KIF12: variants seen among roughly 807,000 people sequenced by gnomAD.
KIF12 encodes kinesin-like protein KIF12.
KIF12 carries 80 observed loss-of-function variants against 87.9 expected under a neutral mutation model. The observed-to-expected ratio is 0.91, with a 90% CI of 0.76 to 1.10. The LOEUF is 1.10. Among genes scored for constraint, KIF12 ranks in the 50% least tolerant of loss-of-function variants. The pLI is 0.00. For missense variants in KIF12, 819 were observed against 865.3 expected, an observed-to-expected ratio of 0.95 and a Z score of 0.67; for synonymous variants, 353 against 348.5, an observed-to-expected ratio of 1.01 and a Z score of -0.14.
chr9:114,095,056 A>G lies in KIF12; in HGVS notation c.1086T>C (p.Ala362=). ...TLSTLRYASR[A]QRVTTRPQAP... is the part of the protein sequence containing the mutation. Reference sequence around the variant, plus strand: ...CCTGTGGTCGGGTGGTGACCCGCTGAGCTCGGCTTGCATATCGCAGGGTGC... The same window carrying G: ...CCTGTGGTCGGGTGGTGACCCGCTGGGCTCGGCTTGCATATCGCAGGGTGC... The change falls in exon 11 of 19, where the codon GCT becomes GCC. Residue 362 remains alanine (A), a synonymous_variant. Transcript: ENST00000640217. 1 of 1,608,400 alleles carries G rather than the reference A, an allele frequency of 6.2e-7. No individual in the cohort carries two copies. Among genetic ancestry groups the G allele is most frequent in the East Asian group, 2.2e-5 (1 of 44,784 alleles).
Position 114,096,246 on chromosome 9 carries a change from G to A in KIF12, c.739-39C>T, listed in dbSNP as rs369824310. On this transcript the variant is annotated intron_variant, in intron 8 of 18. Transcript: ENST00000640217. Reference sequence around the variant, plus strand: ...GCTTCATGGGGACTTGGGAGGGACCGTCCCCATCAAAGCCACAAGGTTATG... The same window carrying A: ...GCTTCATGGGGACTTGGGAGGGACCATCCCCATCAAAGCCACAAGGTTATG... 278 of 1,611,296 alleles carry A rather than the reference G, an allele frequency of 1.7e-4. 1 individual carries two copies. The highest frequency in any genetic ancestry group is 8.1e-4 in the African/African-American group (61 of 74,954).
intron 11 of KIF12, among the ~76,000 whole-genome samples, 175 bp downstream of exon 11, chr9:114,094,848 C>G (rs981969238): frequency 1.3e-5 from 2 of 152,196 alleles, no homozygotes; most frequent in Non-Finnish European, 2.9e-5. Context: ...TGGCATGACC[C>G]TGGCTGGGAC....
chr9:114,096,693 ACAGT>A (rs1182282629), intron 7 of KIF12, among the ~76,000 whole-genome samples: 2 of 152,146 alleles, frequency 1.3e-5, no homozygotes, highest in African/African-American at 2.4e-5. Flanking sequence ...CAGAAGAATG[ACAGT>A]CAGATTTGCA....
chr9:114,094,222 G>T lies in KIF12; in HGVS notation c.1272C>A (p.Tyr424Ter). The change falls in exon 13 of 19, where the codon TAC becomes TAA. Residue 424 changes from tyrosine to a stop codon, truncating the protein, a stop_gained. Coordinates refer to ENST00000640217, the MANE Select transcript of KIF12 (RefSeq NM_001388308.1). LOFTEE classifies it high-confidence loss of function. Reference protein sequence around the residue: ...ARVAWAQRNLYGMLQEFMLEN... With the variant: ...ARVAWAQRNL ...CTAGCATGAACTCCTGTAGCATCCC[G>T]TACAGGTTCCGCTGGGCCCAGGCCA... is the stretch of plus-strand genomic sequence containing the variant. The T allele has an allele frequency of 6.2e-7, 1 of 1,613,952 alleles. No homozygotes were observed. Among genetic ancestry groups the T allele is most frequent in the Non-Finnish European group, 8.5e-7 (1 of 1,179,982 alleles).
intron 10 of KIF12, 41 bp downstream of exon 10, chr9:114,095,173 C>T: frequency 1.2e-6 from 2 of 1,611,086 alleles, no homozygotes; most frequent in Non-Finnish European, 1.7e-6. Flanking sequence ...AGGGCCCCTT[C>T]CTCAAGACCC....
chr9:114,094,116 G>C (rs1588501524), intron 13 of KIF12, 65 bp downstream of exon 13: 2 of 1,528,480 alleles, frequency 1.3e-6, no homozygotes, highest in East Asian at 4.5e-5. Context: ...GAGGCAGTTT[G>C]CCAGAAGCAG....
intron 3 of KIF12, 95 bp from the exon 4 acceptor site, chr9:114,098,524 A>T (rs1290104020): frequency 8.3e-5 from 41 of 492,482 alleles, no homozygotes; most frequent in African/African-American, 7.4e-4. Context: ...GGCACGCGGG[A>T]GGAGGGCGGG....
chr9:114,092,501 G>A (rs775206597), intron 17 of KIF12, 41 bp downstream of exon 17: 1 of 1,613,508 alleles, frequency 6.2e-7, no homozygotes, highest in Admixed American at 1.7e-5. Flanking sequence ...GAGTTCCCCA[G>A]ACCACCCCTC....
At position 114,096,079 on chromosome 9, in the gene KIF12, G is replaced by A. The variant is rs955569797; in HGVS notation, c.867C>T (p.Asn289=). Residue 289 remains asparagine, a synonymous_variant, in exon 9 of 19, where the codon AAC becomes AAT. Coordinates refer to ENST00000640217, the MANE Select transcript of KIF12 (RefSeq NM_001388308.1). ...GSRGELMLEA[N]SINRSLLALG... Reference sequence around the variant, plus strand: ...GGGCCAGCAGGCTTCGGTTGATGCTGTTAGCCTCAAGCATCAGCTCCCCAC... The same window carrying A: ...GGGCCAGCAGGCTTCGGTTGATGCTATTAGCCTCAAGCATCAGCTCCCCAC... 11 of 1,613,402 alleles carry A rather than the reference G, an allele frequency of 6.8e-6. No homozygotes were observed. Among genetic ancestry groups the A allele is most frequent in the Admixed American group, 3.3e-5 (2 of 59,984 alleles).
rs766250681 is a variant in KIF12, at chr9:114,097,591, C to T, written c.510+16G>A. 6 of 1,613,664 alleles carry T rather than the reference C, an allele frequency of 3.7e-6. No homozygotes were observed. Among genetic ancestry groups the T allele is most frequent in the East Asian group, 4.5e-5 (2 of 44,868 alleles). ...TTTCCTCATGGGCTGTCTTTCTATT[C>T]CTCTCATTCCCTTACCTGCTCATTG... On this transcript the variant is annotated intron_variant, in intron 6 of 18. Coordinates refer to ENST00000640217, the MANE Select transcript of KIF12 (RefSeq NM_001388308.1).
chr9:114,091,720 C>A lies in KIF12; in HGVS notation c.*141G>T. 5.0e-6 allele frequency: 4 copies of A among 804,934 alleles called. No individual in the cohort carries two copies. Among genetic ancestry groups the A allele is most frequent in the Non-Finnish European group, 7.5e-6 (4 of 533,972 alleles). The allele number at this position is 804,934 out of a possible 1,614,324, so 49.9% of individuals were successfully genotyped here. A position where few individuals can be genotyped will look rare whatever the true frequency, so the allele number is the denominator to read the frequency against. The stretch of plus-strand genomic sequence containing the variant: ...TGAATCCCCTTGTTCCCCTAAATAG[C>A]ACCCCCAGTCCCCGCCCCTAGCCCA... On this transcript the variant is annotated 3_prime_UTR_variant, in exon 19 of 19. Coordinates refer to ENST00000640217, the MANE Select transcript of KIF12 (RefSeq NM_001388308.1).
In KIF12 at chr9:114,095,346, G is replaced by T. The variant is rs73658330; in HGVS notation, c.896-14C>A. Reference sequence around the variant, plus strand: ...AGATGCAGTGACCTGGGGAGGGAGAGCAAGAGTTAGGAAGGTTACATCACT... The same window carrying T: ...AGATGCAGTGACCTGGGGAGGGAGATCAAGAGTTAGGAAGGTTACATCACT... On this transcript the variant is annotated splice_polypyrimidine_tract_variant and intron_variant, in intron 9 of 18. Transcript: ENST00000640217. 1.3e-3 allele frequency: 2,099 copies of T among 1,609,964 alleles called. 24 individuals are homozygous for T. The African/African-American group carries it at 0.025, about 19-fold the overall frequency.
At chr9:114,096,269 ATGG>A in intron 8 of KIF12, 62 bp from the exon 9 acceptor site, 2 of 1,609,128 alleles carry the variant, frequency 1.2e-6, no homozygotes, top group South Asian at 2.2e-5. Context: ...CCACAAGGTT[ATGG>A]GACCAAGAGT....
In KIF12 at chr9:114,092,435, TCCA is replaced by T; in HGVS notation, c.1711_1713del (p.Trp571del). The T allele has an allele frequency of 6.2e-7, 1 of 1,613,602 alleles. No individual in the cohort carries two copies. Among genetic ancestry groups the T allele is most frequent in the South Asian group, 1.1e-5 (1 of 91,046 alleles). ...ATCTCTGCCAGGACTCGGGTCTGAG[TCCA>T]GTCACTGTGACTCCTGGGCCAGGGT... On this transcript the variant is annotated inframe_deletion, in exon 18 of 19. Transcript: ENST00000640217.
chr9:114,093,766 T>C, intron 14 of KIF12, 120 bp downstream of exon 14: 1 of 836,114 alleles, frequency 1.2e-6, no homozygotes, highest in Admixed American at 2.2e-5. Flanking sequence ...GTGGCAGAGC[T>C]GGAAACTGAA....
intron 18 of KIF12, 114 bp from the exon 19 acceptor site, chr9:114,092,114 T>TGCCCCCCCCCC: frequency 2.2e-6 from 3 of 1,389,260 alleles, no homozygotes; most frequent in Non-Finnish European, 2.9e-6. Flanking sequence ...CCTCCACCCT[T>TGCCCCCCCCCC]CCCCCCACCC....
In KIF12 at chr9:114,098,198, C is replaced by T. The variant is rs1285115910; in HGVS notation, c.300-8G>A. ...AAAACAGTGCAGGAGAAACTGCGGG[C>T]GGCAAGGGCGTGGCTGGACTCCGGC... On this transcript the variant is annotated splice_polypyrimidine_tract_variant and splice_region_variant and intron_variant, in intron 4 of 18. Transcript: ENST00000640217. 2.6e-6 allele frequency: 4 copies of T among 1,542,824 alleles called. No homozygotes were observed. The highest frequency in any genetic ancestry group is 3.5e-6 in the Non-Finnish European group (4 of 1,144,576).
chr9:114,092,114 T>TCCCCCCCCCCCCCC, intron 18 of KIF12, 114 bp from the exon 19 acceptor site: 2 of 1,389,294 alleles, frequency 1.4e-6, no homozygotes, highest in Non-Finnish European at 1.9e-6. Context: ...CCTCCACCCT[T>TCCCCCCCCCCCCCC]CCCCCCACCC....
Position 114,096,146 on chromosome 9 carries a change from A to G in KIF12, c.800T>C (p.Val267Ala). The G allele has an allele frequency of 6.2e-7, 1 of 1,613,916 alleles. No homozygotes were observed. The highest frequency in any genetic ancestry group is 1.1e-5 in the South Asian group (1 of 91,082). The change falls in exon 9 of 19, where the codon GTG (valine) becomes GCG (alanine). Residue 267 changes from valine to alanine, a missense_variant. Transcript: ENST00000640217. ...TACCTTCTCACTGCCTGCCAGGTCC[A>G]CAAAGCACAGCTTCCCACCAACAGG... is the stretch of plus-strand genomic sequence containing the variant. ...EPPVGGKLCF[V>A]DLAGSEKVAA...
Sources: allele counts gnomAD v4.1 joint callset (sites outside exome capture counted in the v4.1 genomes callset), GRCh38; gene constraint gnomAD v4.1.1; transcripts MANE v1.5; gene names NCBI Gene and HGNC (gene_info 2026-07-23, HGNC 2026-07-21).